Variants in DYM observed in about 807,000 individuals in gnomAD.
DYM encodes the protein dymeclin.
Under a neutral mutation model 93.1 loss-of-function variants are expected in DYM, and 78 were observed. That is an observed-to-expected ratio of 0.84 (90% CI 0.70 to 1.01). DYM has a LOEUF of 1.01. DYM is among the 50% of genes least tolerant of loss of function. The probability of loss-of-function intolerance (pLI) is 0.00; values close to 1 mark genes in which losing one functional copy is unlikely to be tolerated. For missense variants in DYM, 789 were observed against 845.0 expected, an observed-to-expected ratio of 0.93 and a Z score of 0.82; for synonymous variants, 321 against 319.7, an observed-to-expected ratio of 1.00 and a Z score of -0.04.
At chr18:49,086,856 T>G (rs2078584423) in intron 17 of DYM, among the ~76,000 whole-genome samples, 1 of 151,982 alleles carries the variant, frequency 6.6e-6, no homozygotes. Context: ...GGCATGGTGG[T>G]GCGTAGCTGT....
intron 15 of DYM, 114 bp from the exon 16 acceptor site, chr18:49,119,040 G>A (rs565863346): frequency 4.2e-5 from 36 of 853,472 alleles, no homozygotes; most frequent in Non-Finnish European, 5.7e-5. Context: ...AGATCATGAA[G>A]AGAAGAAGCT....
chr18:49,155,657 C>T (rs1384069017), intron 15 of DYM, among the ~76,000 whole-genome samples: 1 of 152,168 alleles, frequency 6.6e-6, no homozygotes, highest in Non-Finnish European at 1.5e-5. Context: ...TTACTGGCTC[C>T]TTTCACTTAG....
At chr18:49,163,310 AATGCTAT>A (rs1203304315) in intron 15 of DYM, among the ~76,000 whole-genome samples, 2 of 152,138 alleles carry the variant, frequency 1.3e-5, no homozygotes, top group African/African-American at 2.4e-5. Flanking sequence ...AGAGAGGGGT[AATGCTAT>A]TATAAATTTT....
At chr18:49,145,134 T>TATATATATATATATATAA (rs1555778609) in intron 15 of DYM, among the ~76,000 whole-genome samples, 4,005 of 79,122 alleles carry the variant, frequency 0.051, 599 homozygotes, top group Non-Finnish European at 0.073. Context: ...TATATATATA[T>TATATATATATATATATAA]AATTTATATA....
At chr18:49,184,192 G>C (rs896050742) in intron 14 of DYM, among the ~76,000 whole-genome samples, 1 of 151,964 alleles carries the variant, frequency 6.6e-6, no homozygotes, top group African/African-American at 2.4e-5. Context: ...TGGGTCTCCA[G>C]TAGTAAAAAC....
intron 1 of DYM, among the ~76,000 whole-genome samples, chr18:49,435,180 T>A (rs1204153293): frequency 7.3e-6 from 1 of 137,074 alleles, no homozygotes; most frequent in Non-Finnish European, 1.5e-5. Flanking sequence ...TGCACTTCAG[T>A]CTGGGGAACA....
intron 15 of DYM, among the ~76,000 whole-genome samples, chr18:49,156,794 T>A (rs1251397415): frequency 6.6e-6 from 1 of 151,316 alleles, no homozygotes; most frequent in East Asian, 1.9e-4. Context: ...TCCACTGACT[T>A]AGAGCTAGTC....
At chr18:49,134,339 G>A (rs78877886) in intron 15 of DYM, among the ~76,000 whole-genome samples, 15,098 of 152,112 alleles carry the variant, frequency 0.099, 1,042 homozygotes, top group East Asian at 0.3. Context: ...AGGAGATTAC[G>A]TTTCAAACAG....
intron 14 of DYM, among the ~76,000 whole-genome samples, chr18:49,182,802 T>C (rs538391319): frequency 1.3e-5 from 2 of 152,332 alleles, no homozygotes; most frequent in African/African-American, 2.4e-5. Context: ...CTCCCCTCAA[T>C]TGCTAACATC....
intron 9 of DYM, among the ~76,000 whole-genome samples, chr18:49,282,844 A>C (rs1017179722): frequency 2.0e-5 from 3 of 152,202 alleles, no homozygotes; most frequent in African/African-American, 7.2e-5. Flanking sequence ...CCTAAATAAA[A>C]AATATCTACA....
At chr18:49,153,486 C>A (rs1446055710) in intron 15 of DYM, among the ~76,000 whole-genome samples, 1 of 151,982 alleles carries the variant, frequency 6.6e-6, no homozygotes, top group Non-Finnish European at 1.5e-5. Flanking sequence ...AGGGCTGGGG[C>A]AGAGAAAATA....
intron 6 of DYM, among the ~76,000 whole-genome samples, chr18:49,352,984 C>A (rs1192046331): frequency 6.6e-6 from 1 of 151,976 alleles, no homozygotes; most frequent in Non-Finnish European, 1.5e-5. Flanking sequence ...ACTCTGTCAT[C>A]CTGACAGATT....
chr18:49,416,367 T>C (rs973971200), intron 2 of DYM, among the ~76,000 whole-genome samples: 1 of 152,210 alleles, frequency 6.6e-6, no homozygotes, highest in Non-Finnish European at 1.5e-5. Context: ...CCAAAATCCA[T>C]GTTCCCCCTG....
intron 15 of DYM, among the ~76,000 whole-genome samples, chr18:49,120,849 T>C (rs2082318097): frequency 6.6e-6 from 1 of 152,216 alleles, no homozygotes; most frequent in Non-Finnish European, 1.5e-5. Flanking sequence ...GGTCTCACTC[T>C]GTCACCTAGG....
intron 15 of DYM, among the ~76,000 whole-genome samples, chr18:49,147,159 C>A (rs1054271272): frequency 6.6e-6 from 1 of 152,066 alleles, no homozygotes; most frequent in African/African-American, 2.4e-5. Context: ...AAAGCTGAAA[C>A]TGGATCTCTT....
chr18:49,207,336 G>T (rs1049219474), intron 14 of DYM, among the ~76,000 whole-genome samples: 7 of 152,192 alleles, frequency 4.6e-5, no homozygotes. Context: ...AACCATAGGA[G>T]AGATATGACA....
At chr18:49,372,232 T>A (rs1460886205) in intron 5 of DYM, among the ~76,000 whole-genome samples, 1 of 152,174 alleles carries the variant, frequency 6.6e-6, no homozygotes. Flanking sequence ...TTCAACAGTA[T>A]CTCTGTAATC....
chr18:49,403,105 G>C (rs1250257076), intron 2 of DYM, among the ~76,000 whole-genome samples: 1 of 151,978 alleles, frequency 6.6e-6, no homozygotes, highest in East Asian at 1.9e-4. Context: ...CATAAGTATT[G>C]AACTGTCAAA....
chr18:49,402,689 T>C (rs76888455), intron 2 of DYM, among the ~76,000 whole-genome samples: 118 of 152,302 alleles, frequency 7.7e-4, no homozygotes, highest in African/African-American at 2.8e-3. Flanking sequence ...ATGGAACGTC[T>C]CTGCACCCAC....
Sources: allele counts gnomAD v4.1 joint callset (sites outside exome capture counted in the v4.1 genomes callset), GRCh38; gene constraint gnomAD v4.1.1; transcripts MANE v1.5; gene names NCBI Gene and HGNC (gene_info 2026-07-23, HGNC 2026-07-21).